Variants in EDIL3 observed in about 807,000 individuals in gnomAD.
EDIL3 encodes the protein EGF like and discoidin domains 3, also known as EGF-like repeat and discoidin I-like domain-containing protein 3.
In EDIL3, 37 loss-of-function variants were observed where a neutral mutation model predicts 67.4. That is an observed-to-expected ratio of 0.55 (90% CI 0.42 to 0.72). The LOEUF (loss-of-function observed/expected upper bound fraction) is 0.72. Ranked by LOEUF, EDIL3 falls within the 30% of genes least tolerant of loss-of-function variation. The pLI is 0.00. For missense variants in EDIL3, 527 were observed against 586.3 expected (o/e 0.90, Z 1.04); for synonymous variants, 195 against 196.3 (o/e 0.99, Z 0.05).
At chr5:83,990,359 C>T (rs2269278) in intron 9 of EDIL3, among the ~76,000 whole-genome samples, 52,646 of 151,372 alleles carry the variant, frequency 0.35, 9,976 homozygotes, top group East Asian at 0.62. Flanking sequence ...TGGTGGCATG[C>T]GCCTGTAATC....
chr5:84,067,062 T>C (rs1026977205), intron 6 of EDIL3, among the ~76,000 whole-genome samples: 1 of 152,212 alleles, frequency 6.6e-6, no homozygotes, highest in Non-Finnish European at 1.5e-5. Context: ...CACTGAGATC[T>C]TTGAATACCA....
chr5:84,117,016 A>G (rs1348151256), intron 5 of EDIL3, among the ~76,000 whole-genome samples: 1 of 114,816 alleles, frequency 8.7e-6, no homozygotes, highest in African/African-American at 3.6e-5. Context: ...CAAGTTAAGT[A>G]CTTATTTTTT....
At chr5:83,996,864 C>T (rs955847425) in intron 9 of EDIL3, among the ~76,000 whole-genome samples, 1 of 152,166 alleles carries the variant, frequency 6.6e-6, no homozygotes, top group African/African-American at 2.4e-5. Flanking sequence ...GAATATTATG[C>T]CCAGCCTAGG....
In EDIL3 at chr5:84,003,816, T is replaced by G. The variant is rs182413238; in HGVS notation, c.1138-40456A>C. Among the ~76,000 whole-genome samples the G allele has an allele frequency of 2.1e-3, 312 of 152,178 alleles. 1 individual carries two copies. The highest frequency in any genetic ancestry group is 7.3e-3 in the African/African-American group (303 of 41,530). On this transcript the variant is annotated intron_variant, in intron 9 of 10. Coordinates refer to ENST00000296591, the MANE Select transcript of EDIL3 (RefSeq NM_005711.5). ...ACATGATGACAAGATTGAACCTGCA[T>G]ATATCAGTATTACCCATAAATTTAA...
At chr5:84,336,062 T>C (rs913747598) in intron 1 of EDIL3, among the ~76,000 whole-genome samples, 1 of 152,202 alleles carries the variant, frequency 6.6e-6, no homozygotes, top group African/African-American at 2.4e-5. Context: ...GTCCCACCTC[T>C]TAATACTATC....
chr5:84,241,574 C>T (rs1293590064), intron 2 of EDIL3, among the ~76,000 whole-genome samples: 1 of 151,520 alleles, frequency 6.6e-6, no homozygotes, highest in African/African-American at 2.4e-5. Flanking sequence ...TCTCTTTTTC[C>T]CATATGAAAT....
At chr5:84,118,196 C>T (rs759659501) in intron 5 of EDIL3, among the ~76,000 whole-genome samples, 8 of 151,418 alleles carry the variant, frequency 5.3e-5, no homozygotes, top group Non-Finnish European at 1.0e-4. Flanking sequence ...ACTACAACAA[C>T]GAAAAAAACA....
chr5:84,316,547 C>T (rs973760956), intron 1 of EDIL3, among the ~76,000 whole-genome samples: 1 of 152,128 alleles, frequency 6.6e-6, no homozygotes, highest in Admixed American at 6.5e-5. Flanking sequence ...ATCAATGCAA[C>T]AAGAAGAGCT....
At chr5:84,065,088 T>G (rs1277957715) in intron 7 of EDIL3, among the ~76,000 whole-genome samples, 1 of 152,140 alleles carries the variant, frequency 6.6e-6, no homozygotes, top group African/African-American at 2.4e-5. Flanking sequence ...GTGATGGTCT[T>G]GTCAATTTTA....
chr5:84,009,345 G>T (rs1300674142), intron 9 of EDIL3, among the ~76,000 whole-genome samples: 3 of 152,098 alleles, frequency 2.0e-5, no homozygotes, highest in African/African-American at 7.2e-5. Context: ...TTGCTATAGG[G>T]CCAAGAACAG....
chr5:84,218,632 C>A (rs1031064378), intron 3 of EDIL3, among the ~76,000 whole-genome samples: 1 of 152,192 alleles, frequency 6.6e-6, no homozygotes, highest in African/African-American at 2.4e-5. Flanking sequence ...CAGGCCTTGG[C>A]TCTTGGACGG....
intron 3 of EDIL3, among the ~76,000 whole-genome samples, chr5:84,183,720 T>C (rs1749054096): frequency 6.6e-6 from 1 of 152,160 alleles, no homozygotes; most frequent in Non-Finnish European, 1.5e-5. Context: ...AAATAAGTCT[T>C]CCATGCTCCT....
chr5:84,149,804 C>G (rs1481889284), intron 4 of EDIL3, among the ~76,000 whole-genome samples: 1 of 151,762 alleles, frequency 6.6e-6, no homozygotes, highest in Non-Finnish European at 1.5e-5. Context: ...ATGAAACTAA[C>G]AATGTGTGAG....
At chr5:84,176,212 T>TATATATAAA (rs1554071693) in intron 4 of EDIL3, among the ~76,000 whole-genome samples, 2 of 121,494 alleles carry the variant, frequency 1.6e-5, no homozygotes, top group African/African-American at 8.6e-5. Flanking sequence ...TATATATATA[T>TATATATAAA]ATATATATAT....
At chr5:84,132,897 T>G (rs890325640) in intron 5 of EDIL3, among the ~76,000 whole-genome samples, 2 of 152,034 alleles carry the variant, frequency 1.3e-5, no homozygotes, top group African/African-American at 2.4e-5. Context: ...TAATTTTTAG[T>G]AAAACCCTCT....
intron 10 of EDIL3, among the ~76,000 whole-genome samples, 173 bp downstream of exon 10, chr5:83,963,032 C>T (rs1190136423): frequency 1.3e-5 from 2 of 151,576 alleles, no homozygotes; most frequent in Non-Finnish European, 3.0e-5. Flanking sequence ...CCATTGCATA[C>T]CAGACTGCAA....
At chr5:84,230,410 C>CT (rs869168484) in intron 2 of EDIL3, among the ~76,000 whole-genome samples, 2,692 of 137,104 alleles carry the variant, frequency 0.02, 78 homozygotes, top group African/African-American at 0.065. Flanking sequence ...TTGGACTTTT[C>CT]TTTTTTTTTT....
intron 10 of EDIL3, among the ~76,000 whole-genome samples, chr5:83,956,062 T>C (rs1387040377): frequency 1.3e-5 from 2 of 151,808 alleles, no homozygotes; most frequent in Non-Finnish European, 2.9e-5. Context: ...GTTGTTCCTG[T>C]GGCTAATGAG....
intron 7 of EDIL3, 116 bp downstream of exon 7, chr5:84,066,335 G>A (rs986831105): frequency 7.0e-6 from 8 of 1,136,186 alleles, no homozygotes; most frequent in South Asian, 3.9e-5. Flanking sequence ...AAAACAAGAC[G>A]CATTGGTAAT....
Sources: allele counts gnomAD v4.1 joint callset (sites outside exome capture counted in the v4.1 genomes callset), GRCh38; gene constraint gnomAD v4.1.1; transcripts MANE v1.5; gene names NCBI Gene and HGNC (gene_info 2026-07-23, HGNC 2026-07-21).